EPHA6: variants seen among roughly 807,000 people sequenced by gnomAD.
The protein encoded by EPHA6 is ephrin type-A receptor 6.
EPHA6 carries 50 observed loss-of-function variants against 112.0 expected under a neutral mutation model. The observed-to-expected ratio is 0.45, with a 90% CI of 0.36 to 0.56. EPHA6 has a LOEUF of 0.56. Among genes scored for constraint, EPHA6 ranks in the 20% least tolerant of loss-of-function variants. The pLI is 0.00. For missense variants in EPHA6, 1,280 were observed against 1,417.4 expected (o/e 0.90, Z 1.56); for synonymous variants, 529 against 490.7 (o/e 1.08, Z -1.03).
chr3:97,319,303 G>C (rs933380182), intron 5 of EPHA6, among the ~76,000 whole-genome samples: 11 of 151,266 alleles, frequency 7.3e-5, no homozygotes, highest in African/African-American at 2.4e-4. Flanking sequence ...GACCTTTTCA[G>C]CATTGACATG....
chr3:97,456,395 G>T (rs1042165850), intron 7 of EPHA6, among the ~76,000 whole-genome samples: 4 of 151,920 alleles, frequency 2.6e-5, no homozygotes, highest in African/African-American at 4.8e-5. Flanking sequence ...AAGACTTGTA[G>T]TCTTTGACTA....
chr3:97,638,155 T>C (rs2093966353), intron 14 of EPHA6, 73 bp downstream of exon 14: 1 of 1,083,934 alleles, frequency 9.2e-7, no homozygotes, highest in South Asian at 1.7e-5. Flanking sequence ...AGTAATTCTG[T>C]TTCTGCCTTC....
intron 3 of EPHA6, among the ~76,000 whole-genome samples, chr3:97,162,694 T>C (rs2108403121): frequency 6.6e-6 from 1 of 152,220 alleles, no homozygotes; most frequent in East Asian, 1.9e-4. Context: ...CGTTTTGAGG[T>C]CCTTCCTCAA....
intron 15 of EPHA6, among the ~76,000 whole-genome samples, chr3:97,720,806 G>C (rs930020256): frequency 6.6e-6 from 1 of 152,182 alleles, no homozygotes; most frequent in Non-Finnish European, 1.5e-5. Flanking sequence ...ATATCACTTA[G>C]AGGGAAAAAA....
chr3:97,353,765 G>A (rs72926353), intron 5 of EPHA6, among the ~76,000 whole-genome samples: 3,776 of 152,182 alleles, frequency 0.025, 164 homozygotes, highest in African/African-American at 0.08. Flanking sequence ...AGAGCCCTTG[G>A]ACCTTGAGTG....
chr3:97,444,028 T>C (rs2090234300), intron 6 of EPHA6, among the ~76,000 whole-genome samples: 1 of 152,124 alleles, frequency 6.6e-6, no homozygotes, highest in Non-Finnish European at 1.5e-5. Context: ...AATTTGATCA[T>C]AGATAAATGG....
chr3:97,332,799 C>G lies in EPHA6; in HGVS notation c.1607-72351C>G, dbSNP rs182873035. 2.2e-3 allele frequency among the ~76,000 whole-genome samples: 329 copies of G among 151,692 alleles called. 1 individual carries two copies. The highest frequency in any genetic ancestry group is 7.1e-3 in the African/African-American group (293 of 41,376). ...CTGTGTGGATCTATTTCTGGATTCT[C>G]TATTCTGTTTCATTGATTTATACAT... On this transcript the variant is annotated intron_variant, in intron 5 of 17. Transcript: ENST00000389672.
At chr3:97,060,159 A>G (rs1178158889) in intron 3 of EPHA6, among the ~76,000 whole-genome samples, 1 of 151,990 alleles carries the variant, frequency 6.6e-6, no homozygotes, top group African/African-American at 2.4e-5. Flanking sequence ...CAAAAAGCTT[A>G]ATATTTATTG....
intron 2 of EPHA6, among the ~76,000 whole-genome samples, chr3:96,972,416 CACACACAA>C (rs909263859): frequency 1.3e-5 from 1 of 75,216 alleles, no homozygotes; most frequent in Admixed American, 1.4e-4. Flanking sequence ...TTCAGAAACA[CACACACAA>C]ACACACACAC....
intron 5 of EPHA6, among the ~76,000 whole-genome samples, chr3:97,350,640 A>G (rs1212219971): frequency 2.0e-5 from 3 of 152,168 alleles, no homozygotes; most frequent in Non-Finnish European, 1.5e-5. Context: ...TTTTTTATAT[A>G]TAACAGCCTA....
At chr3:97,010,572 G>A (rs1339940117) in intron 3 of EPHA6, among the ~76,000 whole-genome samples, 1 of 152,042 alleles carries the variant, frequency 6.6e-6, no homozygotes, top group East Asian at 1.9e-4. Context: ...ATTAAACATA[G>A]AATAAAACCT....
chr3:97,654,111 G>T (rs1272055882), intron 14 of EPHA6, among the ~76,000 whole-genome samples: 1 of 151,820 alleles, frequency 6.6e-6, no homozygotes, highest in East Asian at 1.9e-4. Flanking sequence ...TGTTAAAAGG[G>T]TAGATCTTAA....
rs145194367 is a variant in EPHA6, at chr3:96,897,627, C to A, written c.450+30738C>A. On this transcript the variant is annotated intron_variant, in intron 2 of 17. Coordinates refer to ENST00000389672, the MANE Select transcript of EPHA6 (RefSeq NM_001080448.3). ...ACTAAATGTGTCATTTGTCCCTGAG[C>A]AGATGTTAACAAGTATAAACAGAAA... Among the ~76,000 whole-genome samples the A allele has an allele frequency of 4.4e-3, 664 of 152,190 alleles. 7 individuals are homozygous for A. Among genetic ancestry groups the A allele is most frequent in the African/African-American group, 0.015 (638 of 41,516 alleles).
At chr3:97,659,213 C>A (rs1285826153) in intron 14 of EPHA6, among the ~76,000 whole-genome samples, 7 of 151,590 alleles carry the variant, frequency 4.6e-5, no homozygotes, top group African/African-American at 1.7e-4. Context: ...GAAACAAAAT[C>A]CCAGTAAAAA....
chr3:97,101,915 A>C (rs1050524864), intron 3 of EPHA6, among the ~76,000 whole-genome samples: 1 of 151,972 alleles, frequency 6.6e-6, no homozygotes, highest in South Asian at 2.1e-4. Flanking sequence ...CAAATATCTT[A>C]ACTACTCTAA....
intron 3 of EPHA6, among the ~76,000 whole-genome samples, chr3:97,198,874 G>T (rs1559792821): frequency 6.6e-6 from 1 of 152,058 alleles, no homozygotes; most frequent in South Asian, 2.1e-4. Context: ...TTTGATATTT[G>T]TATATATATA....
At chr3:97,596,341 A>G (rs868354573) in intron 12 of EPHA6, among the ~76,000 whole-genome samples, 2 of 152,222 alleles carry the variant, frequency 1.3e-5, no homozygotes, top group Non-Finnish European at 2.9e-5. Context: ...TTGAGTATAC[A>G]TAGTCTTAGA....
chr3:97,324,527 T>TTCTTTCTTTCTC (rs1553746479), intron 5 of EPHA6, among the ~76,000 whole-genome samples: 4,131 of 142,016 alleles, frequency 0.029, 144 homozygotes, highest in Middle Eastern at 0.082. Flanking sequence ...CTTTCTTTCT[T>TTCTTTCTTTCTC]TCTTTCTCTC....
chr3:97,278,622 A>G (rs1374937536), intron 5 of EPHA6, among the ~76,000 whole-genome samples: 4 of 152,196 alleles, frequency 2.6e-5, no homozygotes, highest in Non-Finnish European at 5.9e-5. Flanking sequence ...CTCAGTATAG[A>G]AGTCTATACA....
Sources: allele counts gnomAD v4.1 joint callset (sites outside exome capture counted in the v4.1 genomes callset), GRCh38; gene constraint gnomAD v4.1.1; transcripts MANE v1.5; gene names NCBI Gene and HGNC (gene_info 2026-07-23, HGNC 2026-07-21).